UBE2H: variants seen among roughly 807,000 people sequenced by gnomAD.
UBE2H encodes the protein ubiquitin-conjugating enzyme E2 H.
In UBE2H, 3 loss-of-function variants were observed where a neutral mutation model predicts 29.0. That is an observed-to-expected ratio of 0.10 (90% CI 0.05 to 0.27). UBE2H has a LOEUF of 0.27. Ranked by LOEUF, UBE2H falls within the 10% of genes least tolerant of loss-of-function variation. UBE2H has a pLI of 1.00. For missense variants in UBE2H, 68 were observed against 228.2 expected (o/e 0.30, Z 4.52); for synonymous variants, 69 against 82.9 (o/e 0.83, Z 0.91).
rs1805234301 is a variant in UBE2H, at chr7:129,831,866, TCA to T, written c.*3069_*3070del. On this transcript the variant is annotated 3_prime_UTR_variant, in exon 7 of 7. Transcript: ENST00000355621. Reference sequence around the variant, plus strand: ...GTTGGTGTTTGGCAAGAGCTTGAGCTCAGTTATGTGAACAGGGGCAAAGAATG... The same window carrying T: ...GTTGGTGTTTGGCAAGAGCTTGAGCTGTTATGTGAACAGGGGCAAAGAATG... 1 of 152,220 alleles carries T rather than the reference TCA, an allele frequency of 6.6e-6. No individual in the cohort carries two copies. Among genetic ancestry groups the T allele is most frequent in the African/African-American group, 2.4e-5 (1 of 41,448 alleles). 9.4% of individuals were successfully genotyped at this position (152,220 alleles called of 1,614,324 possible). A position where few individuals can be genotyped will look rare whatever the true frequency, so the allele number is the denominator to read the frequency against.
chr7:129,847,426 T>A (rs1584741089), intron 5 of UBE2H, among the ~76,000 whole-genome samples: 3 of 152,134 alleles, frequency 2.0e-5, no homozygotes, highest in Admixed American at 1.3e-4. Context: ...GGAGGGAGGA[T>A]CACTAGAGCC....
At chr7:129,892,245 G>A (rs929758046) in intron 1 of UBE2H, among the ~76,000 whole-genome samples, 5 of 141,468 alleles carry the variant, frequency 3.5e-5, no homozygotes, top group Admixed American at 2.9e-4. Context: ...CACCGCACCC[G>A]GCCTCAACCT....
chr7:129,944,197 A>G (rs1037508683), intron 1 of UBE2H, among the ~76,000 whole-genome samples: 2 of 152,016 alleles, frequency 1.3e-5, no homozygotes, highest in Admixed American at 6.6e-5. Context: ...GCTACTAAAA[A>G]TACAAAAAAT....
At chr7:129,863,538 A>G (rs1563026002) in intron 3 of UBE2H, among the ~76,000 whole-genome samples, 2 of 152,250 alleles carry the variant, frequency 1.3e-5, no homozygotes, top group Admixed American at 6.5e-5. Context: ...CTCTGAGAAC[A>G]GAGGAATTAT....
chr7:129,913,639 G>A (rs1396439848), intron 1 of UBE2H, among the ~76,000 whole-genome samples: 1 of 152,172 alleles, frequency 6.6e-6, no homozygotes, highest in Non-Finnish European at 1.5e-5. Flanking sequence ...CTGAGCCTCA[G>A]AAGGGTAAAG....
chr7:129,903,568 G>A (rs1806759111), intron 1 of UBE2H, among the ~76,000 whole-genome samples: 1 of 152,138 alleles, frequency 6.6e-6, no homozygotes, highest in Non-Finnish European at 1.5e-5. Context: ...TTTGAGACCA[G>A]CCTGGGCAAC....
chr7:129,857,871 A>G (rs1805734172), intron 4 of UBE2H, among the ~76,000 whole-genome samples: 1 of 152,216 alleles, frequency 6.6e-6, no homozygotes, highest in Non-Finnish European at 1.5e-5. Context: ...GAAGGACACC[A>G]TCTTACTTTG....
chr7:129,858,888 A>C lies in UBE2H; in HGVS notation c.245+14T>G. 6.2e-7 allele frequency: 1 copy of C among 1,606,256 alleles called. No homozygotes were observed. The highest frequency in any genetic ancestry group is 1.1e-5 in the South Asian group (1 of 90,490). On this transcript the variant is annotated intron_variant, in intron 4 of 6. Coordinates refer to ENST00000355621, the MANE Select transcript of UBE2H (RefSeq NM_003344.4). ...TTGCTGCTAAAATTGAAACATTTTAAAATAGTTACTTACGCTTCATCAATG... is the reference window on the plus strand; with the variant it reads ...TTGCTGCTAAAATTGAAACATTTTACAATAGTTACTTACGCTTCATCAATG...
At chr7:129,925,823 G>C (rs147509405) in intron 1 of UBE2H, among the ~76,000 whole-genome samples, 39 of 152,306 alleles carry the variant, frequency 2.6e-4, no homozygotes, top group Non-Finnish European at 5.6e-4. Context: ...ATGCACTGAA[G>C]AGGGCTGGGA....
chr7:129,838,121 T>G (rs1410642499), intron 6 of UBE2H, among the ~76,000 whole-genome samples: 2 of 152,258 alleles, frequency 1.3e-5, no homozygotes, highest in African/African-American at 4.8e-5. Context: ...AATACATGTT[T>G]GCTTAGCTAT....
At chr7:129,894,483 CTTTT>C (rs78614188) in intron 1 of UBE2H, among the ~76,000 whole-genome samples, 31 of 99,124 alleles carry the variant, frequency 3.1e-4, no homozygotes, top group Non-Finnish European at 5.2e-4. Flanking sequence ...CTAATCCCAT[CTTTT>C]TTTTTTTTTT....
At chr7:129,849,429 T>C (rs1805569519) in intron 5 of UBE2H, among the ~76,000 whole-genome samples, 1 of 151,754 alleles carries the variant, frequency 6.6e-6, no homozygotes, top group Admixed American at 6.6e-5. Flanking sequence ...TATACAAAAA[T>C]TAGTCGGGTT....
At chr7:129,910,242 T>A (rs1469059507) in intron 1 of UBE2H, among the ~76,000 whole-genome samples, 1 of 148,804 alleles carries the variant, frequency 6.7e-6, no homozygotes, top group African/African-American at 2.5e-5. Flanking sequence ...GGCAGGAGAG[T>A]CGCTTGAACC....
chr7:129,911,614 C>G (rs1806939674), intron 1 of UBE2H, among the ~76,000 whole-genome samples: 1 of 151,912 alleles, frequency 6.6e-6, no homozygotes, highest in Non-Finnish European at 1.5e-5. Context: ...AACAACAACT[C>G]AACTAAAAAT....
intron 1 of UBE2H, among the ~76,000 whole-genome samples, chr7:129,948,672 A>C (rs1450181875): frequency 6.6e-6 from 1 of 152,200 alleles, no homozygotes; most frequent in East Asian, 1.9e-4. Context: ...AAAATAAATA[A>C]GGGGGGGATC....
chr7:129,866,312 G>A lies in UBE2H; in HGVS notation c.206-7371C>T, dbSNP rs974171886. ...GAATGGGCTAGATGGATAAGAAAAG[G>A]TCATTTATAACTAAGAAAAGGTGAA... On this transcript the variant is annotated intron_variant, in intron 3 of 6. Transcript: ENST00000355621. 2.6e-5 allele frequency among the ~76,000 whole-genome samples: 4 copies of A among 152,216 alleles called. No homozygotes were observed. In the East Asian group the frequency reaches 5.8e-4, roughly 22 times the overall value.
In UBE2H at chr7:129,834,734, G is replaced by A; in HGVS notation, c.*203C>T. Reference sequence around the variant, plus strand: ...CATATTGCTACCAAATGGAATGTGGGAATATGCTATGCACCTCAGGTTGAG... The same window carrying A: ...CATATTGCTACCAAATGGAATGTGGAAATATGCTATGCACCTCAGGTTGAG... On this transcript the variant is annotated 3_prime_UTR_variant, in exon 7 of 7. Coordinates refer to ENST00000355621, the MANE Select transcript of UBE2H (RefSeq NM_003344.4). 1.8e-6 allele frequency: 1 copy of A among 564,694 alleles called. No homozygotes were observed. The highest frequency in any genetic ancestry group is 2.9e-6 in the Non-Finnish European group (1 of 344,512). The allele number at this position is 564,694 out of a possible 1,614,324, so 35.0% of individuals were successfully genotyped here. A position where few individuals can be genotyped will look rare whatever the true frequency, so the allele number is the denominator to read the frequency against.
At chr7:129,928,579 C>T (rs1238398848) in intron 1 of UBE2H, among the ~76,000 whole-genome samples, 3 of 151,990 alleles carry the variant, frequency 2.0e-5, no homozygotes, top group Non-Finnish European at 4.4e-5. Context: ...CTCCAGCCTG[C>T]GCGACAAAGC....
rs558053710 is a variant in UBE2H at position 129,867,794 on chromosome 7, A to C, written c.206-8853T>G. On this transcript the variant is annotated intron_variant, in intron 3 of 6. Coordinates refer to ENST00000355621, the MANE Select transcript of UBE2H (RefSeq NM_003344.4). ...GCAAAAATTAGATTAAAAAAAAAAA[A>C]CATCCTGACTGCATTTGGTATAGTT... is the stretch of plus-strand genomic sequence containing the variant. 6.8e-4 allele frequency among the ~76,000 whole-genome samples: 102 copies of C among 149,106 alleles called. 2 individuals carry two copies. The highest frequency in any genetic ancestry group is 4.0e-3 in the Admixed American group (60 of 15,038).
Sources: allele counts gnomAD v4.1 joint callset (sites outside exome capture counted in the v4.1 genomes callset), GRCh38; gene constraint gnomAD v4.1.1; transcripts MANE v1.5; gene names NCBI Gene and HGNC (gene_info 2026-07-23, HGNC 2026-07-21).